Variants in SLIT3 observed in about 807,000 individuals in gnomAD.
SLIT3 encodes the protein slit guidance ligand 3.
In SLIT3, 68 loss-of-function variants were observed where a neutral mutation model predicts 184.0. The ratio of observed to expected loss-of-function variants is 0.37; its 90% CI spans 0.30 to 0.45. The LOEUF (loss-of-function observed/expected upper bound fraction) is 0.45, where lower values mean the gene tolerates loss of function less well. SLIT3 is among the 20% of genes least tolerant of loss of function. The pLI is 1.00. For synonymous variants in SLIT3, 831 were observed against 828.6 expected (o/e 1.00, Z -0.05); for missense variants, 1,707 against 2,026.0 (o/e 0.84, Z 3.02).
chr5:168,870,554 G>A (rs1311648112), intron 5 of SLIT3, among the ~76,000 whole-genome samples: 1 of 152,152 alleles, frequency 6.6e-6, no homozygotes, highest in African/African-American at 2.4e-5. Flanking sequence ...CTTTTATGCT[G>A]TCCCTACCTG....
intron 5 of SLIT3, among the ~76,000 whole-genome samples, chr5:168,879,150 C>T (rs6897408): frequency 0.27 from 40,519 of 152,112 alleles, 6,329 homozygotes; most frequent in Middle Eastern, 0.35. Context: ...CACATAGGCC[C>T]AACTGGTTGT....
chr5:168,702,847 C>A (rs1762258096), intron 26 of SLIT3, among the ~76,000 whole-genome samples: 1 of 152,106 alleles, frequency 6.6e-6, no homozygotes, highest in Non-Finnish European at 1.5e-5. Flanking sequence ...AAGGGCAGGA[C>A]AAAGAACCTT....
intron 27 of SLIT3, among the ~76,000 whole-genome samples, chr5:168,698,702 C>T (rs1237518042): frequency 6.6e-6 from 1 of 152,134 alleles, no homozygotes; most frequent in Non-Finnish European, 1.5e-5. Context: ...AGCACCACTC[C>T]CCTTCACCCA....
chr5:168,840,869 C>T (rs932914418), intron 6 of SLIT3, among the ~76,000 whole-genome samples: 1 of 152,106 alleles, frequency 6.6e-6, no homozygotes, highest in East Asian at 1.9e-4. Context: ...GCAATGGCCA[C>T]GAGTGGGAAT....
At chr5:168,807,507 G>A (rs565841936) in intron 8 of SLIT3, among the ~76,000 whole-genome samples, 1 of 152,180 alleles carries the variant, frequency 6.6e-6, no homozygotes, top group East Asian at 1.9e-4. Context: ...TGGATTTTTT[G>A]GTCCAAAACA....
At chr5:169,182,145 G>A (rs796455754) in intron 4 of SLIT3, among the ~76,000 whole-genome samples, 19 of 152,242 alleles carry the variant, frequency 1.2e-4, no homozygotes, top group African/African-American at 4.6e-4. Context: ...CTTCTAAGCA[G>A]GCTTCATCAC....
At position 169,051,287 on chromosome 5, in the gene SLIT3, T is replaced by G. The variant is rs1048389180; in HGVS notation, c.413+142192A>C. 2.6e-4 allele frequency among the ~76,000 whole-genome samples: 38 copies of G among 143,826 alleles called. No homozygotes were observed. In the East Asian group the frequency reaches 7.4e-3, roughly 28 times the overall value. The allele number at this position is 143,826 out of a possible 152,430, so 94.4% of individuals were successfully genotyped here. ...CTGCCATTTTTAAACATTTCTAGCC[T>G]TTTTTTTTTTCCCCTCTACAAGATA... On this transcript the variant is annotated intron_variant, in intron 4 of 35. Transcript: ENST00000519560.
intron 20 of SLIT3, among the ~76,000 whole-genome samples, chr5:168,739,214 G>A (rs1185324197): frequency 6.6e-6 from 1 of 152,052 alleles, no homozygotes; most frequent in Admixed American, 6.6e-5. Flanking sequence ...TTACAAGATC[G>A]TGCATGGGGA....
At chr5:169,099,581 C>A (rs1267541633) in intron 4 of SLIT3, among the ~76,000 whole-genome samples, 1 of 152,206 alleles carries the variant, frequency 6.6e-6, no homozygotes, top group Non-Finnish European at 1.5e-5. Context: ...TTAGCCCTAT[C>A]TTACAGATAT....
chr5:168,718,677 T>TACACACACACACACACAC (rs1163238928), intron 23 of SLIT3, among the ~76,000 whole-genome samples: 10 of 108,674 alleles, frequency 9.2e-5, no homozygotes, highest in African/African-American at 3.0e-4. Context: ...TATCCACCCA[T>TACACACACACACACACAC]ACACACACAC....
intron 1 of SLIT3, among the ~76,000 whole-genome samples, chr5:169,262,662 C>T (rs1766234248): frequency 6.6e-6 from 1 of 152,166 alleles, no homozygotes; most frequent in Non-Finnish European, 1.5e-5. Context: ...TAATTTCCCC[C>T]AAATGTCAAT....
intron 4 of SLIT3, among the ~76,000 whole-genome samples, chr5:169,163,237 C>G (rs1200083622): frequency 6.6e-6 from 1 of 152,096 alleles, no homozygotes; most frequent in African/African-American, 2.4e-5. Flanking sequence ...AGGAGAATCG[C>G]TTGAACCTGG....
At chr5:168,882,933 A>G (rs1760011016) in intron 5 of SLIT3, among the ~76,000 whole-genome samples, 1 of 152,210 alleles carries the variant, frequency 6.6e-6, no homozygotes, top group African/African-American at 2.4e-5. Context: ...TGCACAAAAC[A>G]TGCCCACAAG....
intron 4 of SLIT3, among the ~76,000 whole-genome samples, chr5:168,913,565 C>G (rs576201831): frequency 6.6e-6 from 1 of 151,928 alleles, no homozygotes; most frequent in African/African-American, 2.4e-5. Flanking sequence ...GTCAGGAGTT[C>G]GAGACCAGCC....
intron 7 of SLIT3, among the ~76,000 whole-genome samples, chr5:168,819,321 G>A (rs942995014): frequency 6.6e-6 from 1 of 152,242 alleles, no homozygotes; most frequent in Non-Finnish European, 1.5e-5. Flanking sequence ...GCTTGGCAGT[G>A]GACTTTCAGC....
chr5:168,786,368 C>T (rs887858040), intron 11 of SLIT3, among the ~76,000 whole-genome samples: 3 of 152,156 alleles, frequency 2.0e-5, no homozygotes, highest in Non-Finnish European at 2.9e-5. Context: ...AGCTTGAGCC[C>T]AGCCTACAGG....
intron 4 of SLIT3, among the ~76,000 whole-genome samples, chr5:168,894,009 A>G (rs1357452431): frequency 6.6e-6 from 1 of 152,098 alleles, no homozygotes; most frequent in African/African-American, 2.4e-5. Context: ...GAAGGAGGGG[A>G]GTGAGGCTGA....
intron 12 of SLIT3, among the ~76,000 whole-genome samples, chr5:168,785,049 G>C (rs1436099653): frequency 1.3e-5 from 2 of 151,556 alleles, no homozygotes; most frequent in Non-Finnish European, 2.9e-5. Context: ...CCGAGACTTG[G>C]TCTTCTCCAC....
intron 1 of SLIT3, among the ~76,000 whole-genome samples, chr5:169,293,829 G>A (rs1767425611): frequency 6.6e-6 from 1 of 152,236 alleles, no homozygotes; most frequent in African/African-American, 2.4e-5. Context: ...AGACCACAGT[G>A]AGTGGGGAAG....
Sources: allele counts gnomAD v4.1 joint callset (sites outside exome capture counted in the v4.1 genomes callset), GRCh38; gene constraint gnomAD v4.1.1; transcripts MANE v1.5; gene names NCBI Gene and HGNC (gene_info 2026-07-23, HGNC 2026-07-21).